C4orf50: variants seen among roughly 807,000 people sequenced by gnomAD.
The protein encoded by C4orf50 is chromosome 4 open reading frame 50.
A neutral mutation model predicts 77.2 loss-of-function variants in C4orf50; 80 were observed. The ratio of observed to expected loss-of-function variants is 1.04; its 90% CI spans 0.87 to 1.25. C4orf50 has a LOEUF of 1.25. Ranked by LOEUF, C4orf50 falls within the 50% of genes most tolerant of loss-of-function variation. The probability of loss-of-function intolerance (pLI) is 0.00; values close to 1 mark genes in which losing one functional copy is unlikely to be tolerated. For synonymous variants in C4orf50, 532 were observed against 465.3 expected, an observed-to-expected ratio of 1.14 and a Z score of -1.84; for missense variants, 1,257 against 1,152.9, an observed-to-expected ratio of 1.09 and a Z score of -1.31.
At chr4:5,945,175 C>T (rs77192443) in intron 7 of C4orf50, among the ~76,000 whole-genome samples, 1 of 152,210 alleles carries the variant, frequency 6.6e-6, no homozygotes, top group Non-Finnish European at 1.5e-5. Flanking sequence ...CCGAGCCCCC[C>T]AGTCCCCTCT....
At chr4:5,993,744 G>A (rs113950680) in intron 26 of C4orf50, among the ~76,000 whole-genome samples, 9,826 of 148,990 alleles carry the variant, frequency 0.066, 341 homozygotes, top group African/African-American at 0.078. Context: ...TTGAACCCGG[G>A]AGCTTGAGGT....
chr4:5,981,778 C>T (rs528101848), intron 28 of C4orf50, among the ~76,000 whole-genome samples: 13 of 152,214 alleles, frequency 8.5e-5, no homozygotes, highest in Admixed American at 3.9e-4. Context: ...CTAAAAGTTC[C>T]GTTTGTGAAG....
At chr4:5,910,998 C>A (rs6849799) in intron 7 of C4orf50, among the ~76,000 whole-genome samples, 9 of 151,150 alleles carry the variant, frequency 6.0e-5, no homozygotes, top group Non-Finnish European at 1.0e-4. Context: ...CTCCGCCTCC[C>A]GGGTTCACGC....
chr4:6,003,844 G>GATA (rs1721988502), intron 25 of C4orf50, among the ~76,000 whole-genome samples: 1 of 115,968 alleles, frequency 8.6e-6, no homozygotes, highest in East Asian at 3.2e-4. Flanking sequence ...ATGTGATAGT[G>GATA]ATGATGGTGA....
intron 7 of C4orf50, among the ~76,000 whole-genome samples, chr4:5,950,776 C>A (rs547060584): frequency 6.6e-6 from 1 of 152,304 alleles, no homozygotes; most frequent in Non-Finnish European, 1.5e-5. Flanking sequence ...CTGTGTGTAG[C>A]CTTTCTCTTC....
chr4:5,975,996 C>T (rs767507514), intron 29 of C4orf50, 41 bp from the exon 8 acceptor site: 1 of 1,541,710 alleles, frequency 6.5e-7, no homozygotes, highest in Non-Finnish European at 9.0e-7. Flanking sequence ...TGCACTGTCA[C>T]TTACCACTGT....
chr4:5,920,168 T>C (rs138879846), intron 7 of C4orf50, among the ~76,000 whole-genome samples: 28 of 152,362 alleles, frequency 1.8e-4, no homozygotes, highest in African/African-American at 6.5e-4. Flanking sequence ...GAAACAATGC[T>C]GCACAGATAC....
rs548861861 is a variant in C4orf50 at position 5,913,203 on chromosome 4, G to A, written c.*2475-15015C>T. 1.2e-3 allele frequency among the ~76,000 whole-genome samples: 183 copies of A among 152,290 alleles called. 1 individual carries two copies. The highest frequency in any genetic ancestry group is 2.0e-3 in the Non-Finnish European group (135 of 68,032). On this transcript the variant is annotated intron_variant, in intron 7 of 7. Coordinates refer to the C4orf50 transcript ENST00000324058. ...CCATCTGTAAAATGAGGATGACAAC[G>A]CCTACCTTATGGGGCTGGTGTAAAG...
intron 24 of C4orf50, among the ~76,000 whole-genome samples, chr4:6,010,432 TGCTTTTCCA>T (rs1416132743): frequency 2.0e-5 from 3 of 152,236 alleles, no homozygotes; most frequent in Non-Finnish European, 2.9e-5. Flanking sequence ...CTATGTCAAG[TGCTTTTCCA>T]GCTTTTCTGA....
intron 7 of C4orf50, among the ~76,000 whole-genome samples, chr4:5,937,084 C>G (rs1481214211): frequency 6.6e-6 from 1 of 151,482 alleles, no homozygotes; most frequent in East Asian, 1.9e-4. Context: ...CTGCTAAATG[C>G]CTTGCTAAAA....
At chr4:6,014,250 C>A (rs1285503339) in intron 23 of C4orf50, among the ~76,000 whole-genome samples, 2 of 152,140 alleles carry the variant, frequency 1.3e-5, no homozygotes, top group African/African-American at 4.8e-5. Context: ...GATCAGCCCG[C>A]CTGGGCCTCC....
At chr4:5,969,755 G>A (rs1464303771) in intron 31 of C4orf50, among the ~76,000 whole-genome samples, 2 of 152,166 alleles carry the variant, frequency 1.3e-5, no homozygotes, top group Non-Finnish European at 1.5e-5. Context: ...GCTTAGGTAC[G>A]TGAAGGGCAA....
intron 25 of C4orf50, among the ~76,000 whole-genome samples, chr4:6,005,014 A>T (rs1363310279): frequency 6.6e-6 from 1 of 152,140 alleles, no homozygotes. Flanking sequence ...CCCATTTCAC[A>T]CTTGGGAACC....
chr4:5,959,274 G>C, exon 34 of C4orf50: 3 of 1,359,784 alleles, frequency 2.2e-6, no homozygotes, highest in Non-Finnish European at 2.0e-6. Flanking sequence ...GCCACTAAAT[G>C]AGGGCTCTGA....
intron 7 of C4orf50, among the ~76,000 whole-genome samples, chr4:5,909,233 T>A (rs1484225990): frequency 1.3e-5 from 2 of 152,210 alleles, no homozygotes; most frequent in Non-Finnish European, 2.9e-5. Context: ...AGGGACCACA[T>A]GACCTCCTTG....
intron 27 of C4orf50, among the ~76,000 whole-genome samples, chr4:5,991,710 G>A (rs73795145): frequency 0.017 from 2,624 of 152,234 alleles, 73 homozygotes; most frequent in African/African-American, 0.06. Flanking sequence ...GGCTGAGCAG[G>A]TCTAAGACAC....
chr4:5,922,378 G>C (rs1462863423), intron 7 of C4orf50, among the ~76,000 whole-genome samples: 1 of 152,186 alleles, frequency 6.6e-6, no homozygotes, highest in African/African-American at 2.4e-5. Flanking sequence ...TTGTGGGTCG[G>C]GTAACTCATA....
At chr4:5,973,881 G>A in intron 30 of C4orf50, 40 bp from the exon 9 acceptor site, 1 of 1,518,132 alleles carries the variant, frequency 6.6e-7, no homozygotes, top group Non-Finnish European at 9.0e-7. Context: ...GCTCCCACCA[G>A]GGCTGCATGG....
In C4orf50 at chr4:5,901,246, A is replaced by T. The variant is rs1716330268; in HGVS notation, c.*2475-3058T>A. 6.6e-6 allele frequency: 1 copy of T among 152,266 alleles called. No homozygotes were observed. The allele number at this position is 152,266 out of a possible 1,614,324, so 9.4% of individuals were successfully genotyped here. A position where few individuals can be genotyped will look rare whatever the true frequency, so the allele number is the denominator to read the frequency against. On this transcript the variant is annotated intron_variant, in intron 7 of 7. Coordinates refer to the C4orf50 transcript ENST00000324058. This position sits in a 1 kb window ranked among gnomAD's most constrained non-coding sequence, Gnocchi z 4.4. ...TCATAATGGCACACAGTAGGTGTATAATAAATGTGCATTATATTAATGACA... is the reference window on the plus strand; with the variant it reads ...TCATAATGGCACACAGTAGGTGTATTATAAATGTGCATTATATTAATGACA...
Sources: allele counts gnomAD v4.1 joint callset (sites outside exome capture counted in the v4.1 genomes callset), GRCh38; gene constraint gnomAD v4.1.1; non-coding constraint Gnocchi (gnomAD v3.1); transcripts MANE v1.5; gene names NCBI Gene and HGNC (gene_info 2026-07-23, HGNC 2026-07-21).